Variants in LRGUK observed in about 807,000 individuals in gnomAD.
LRGUK encodes leucine rich repeats and guanylate kinase domain containing.
A neutral mutation model predicts 76.0 loss-of-function variants in LRGUK; 65 were observed. The ratio of observed to expected loss-of-function variants is 0.85; its 90% CI spans 0.70 to 1.05. LRGUK has a LOEUF of 1.05. LRGUK is among the 50% of genes least tolerant of loss of function. The pLI, the probability that LRGUK is intolerant of heterozygous loss-of-function variation, is 0.00. For missense variants in LRGUK, 758 were observed against 732.8 expected (o/e 1.03, Z -0.40); for synonymous variants, 268 against 265.6 (o/e 1.01, Z -0.09).
chr7:134,256,836 T>TA (rs1802597175), intron 18 of LRGUK, among the ~76,000 whole-genome samples: 1 of 152,222 alleles, frequency 6.6e-6, no homozygotes, highest in African/African-American at 2.4e-5. Context: ...TGTGATTAGA[T>TA]ACACCTCCCA....
At chr7:134,242,787 C>T (rs963340237) in intron 16 of LRGUK, among the ~76,000 whole-genome samples, 8 of 152,076 alleles carry the variant, frequency 5.3e-5, no homozygotes, top group Non-Finnish European at 8.8e-5. Context: ...TGATGATCAT[C>T]GATGCAAAAA....
chr7:134,194,391 G>A (rs1335209245), intron 12 of LRGUK, among the ~76,000 whole-genome samples: 4 of 152,038 alleles, frequency 2.6e-5, no homozygotes, highest in South Asian at 2.1e-4. Context: ...TGAAAACAGC[G>A]AGTCACAGAG....
chr7:134,245,621 A>T (rs1468001147), intron 16 of LRGUK, among the ~76,000 whole-genome samples: 1 of 152,168 alleles, frequency 6.6e-6, no homozygotes, highest in Non-Finnish European at 1.5e-5. Context: ...ATTCTAGAAG[A>T]TCCAAAAAGT....
intron 16 of LRGUK, among the ~76,000 whole-genome samples, chr7:134,230,406 G>A (rs1801863423): frequency 6.6e-6 from 1 of 152,146 alleles, no homozygotes; most frequent in African/African-American, 2.4e-5. Context: ...AATGAAATTG[G>A]TATACCTTGG....
intron 5 of LRGUK, among the ~76,000 whole-genome samples, chr7:134,152,907 A>G (rs922620385): frequency 6.6e-6 from 1 of 151,964 alleles, no homozygotes; most frequent in East Asian, 1.9e-4. Flanking sequence ...TGAATGGAAT[A>G]TATCTACATG....
chr7:134,247,426 T>C, intron 16 of LRGUK, 130 bp from the exon 17 acceptor site: 1 of 569,594 alleles, frequency 1.8e-6, no homozygotes, highest in Admixed American at 3.4e-5. Flanking sequence ...CAATTGTTTT[T>C]TATGCCTTTT....
intron 10 of LRGUK, among the ~76,000 whole-genome samples, chr7:134,180,290 GTCCATCCATCCATCCATCCATCCA>G (rs3030440): frequency 2.0e-5 from 3 of 149,904 alleles, no homozygotes; most frequent in East Asian, 2.0e-4. Context: ...CAATTCCTCT[GTCCATCCATCCATCCATCCATCCA>G]TCCATCCATC....
chr7:134,160,344 C>G (rs12670589), intron 6 of LRGUK, among the ~76,000 whole-genome samples: 32,913 of 152,010 alleles, frequency 0.22, 4,488 homozygotes, highest in South Asian at 0.36. Context: ...GTGGATTGTT[C>G]CCAATCTCTG....
chr7:134,225,125 G>GAAA lies in LRGUK; in HGVS notation c.1983+3229_1983+3231dup, dbSNP rs769671717. ...GGCTGGGGACAGGGGAACAGAACTG[G>GAAA]AAAAAAAAAAAAAAAAAAAAAAAAC... On this transcript the variant is annotated intron_variant, in intron 16 of 19. Coordinates refer to the LRGUK transcript ENST00000285928. Among the ~76,000 whole-genome samples the GAAA allele has an allele frequency of 1.6e-3, 98 of 60,868 alleles. 1 individual carries two copies. The East Asian group carries it at 0.028, about 18-fold the overall frequency. 39.9% of individuals were successfully genotyped at this position (60,868 alleles called of 152,430 possible). A position where few individuals can be genotyped will look rare whatever the true frequency, so the allele number is the denominator to read the frequency against.
At chr7:134,143,390 TCAAAC>T (rs1797847653) in intron 4 of LRGUK, among the ~76,000 whole-genome samples, 1 of 152,202 alleles carries the variant, frequency 6.6e-6, no homozygotes, top group Admixed American at 6.5e-5. Flanking sequence ...AACCTAGTGT[TCAAAC>T]CAACGAACTT....
downstream of LRGUK, among the ~76,000 whole-genome samples, chr7:134,264,825 G>T (rs1318001478): frequency 6.6e-6 from 1 of 152,196 alleles, no homozygotes; most frequent in African/African-American, 2.4e-5. Context: ...TGAGTACTCT[G>T]TGCATGATGA....
intron 14 of LRGUK, among the ~76,000 whole-genome samples, chr7:134,200,543 C>CA (rs1404691109): frequency 1.3e-5 from 2 of 151,640 alleles, no homozygotes; most frequent in Non-Finnish European, 2.9e-5. Flanking sequence ...GCAGAATCCT[C>CA]AAAAAAACTA....
intron 7 of LRGUK, among the ~76,000 whole-genome samples, chr7:134,166,089 C>T (rs1479782759): frequency 6.6e-6 from 1 of 150,948 alleles, no homozygotes; most frequent in Non-Finnish European, 1.5e-5. Flanking sequence ...GAAAGTTCCT[C>T]AGAGAACTCT....
the LRGUK span, among the ~76,000 whole-genome samples, chr7:134,272,189 C>T: frequency 6.6e-6 from 1 of 152,060 alleles, no homozygotes; most frequent in Non-Finnish European, 1.5e-5. Context: ...CATTTTCTTC[C>T]TAGTTTAATA....
intron 10 of LRGUK, 148 bp downstream of exon 10, chr7:134,178,757 T>C (rs1375608892): frequency 1.8e-6 from 1 of 542,510 alleles, no homozygotes; most frequent in Non-Finnish European, 3.2e-6. Flanking sequence ...CAAGTCTTTA[T>C]TTGATAGACA....
chr7:134,247,684 T>C (rs1802341682), intron 17 of LRGUK, 40 bp downstream of exon 17: 1 of 1,467,662 alleles, frequency 6.8e-7, no homozygotes, highest in Admixed American at 1.7e-5. Flanking sequence ...ATTGATTTCC[T>C]AGTGTTCAAA....
At chr7:134,234,152 T>C (rs758246798) in intron 16 of LRGUK, among the ~76,000 whole-genome samples, 8 of 152,174 alleles carry the variant, frequency 5.3e-5, no homozygotes, top group South Asian at 2.1e-4. Flanking sequence ...GTTAGGTTCA[T>C]AGGGGCACAG....
At chr7:134,138,264 C>T (rs144835692) in intron 2 of LRGUK, among the ~76,000 whole-genome samples, 8 of 152,304 alleles carry the variant, frequency 5.3e-5, no homozygotes, top group African/African-American at 1.9e-4. Context: ...TCCTTTAAAT[C>T]TTATTTCAGC....
At chr7:134,192,228 T>C (rs1347821462) in intron 12 of LRGUK, among the ~76,000 whole-genome samples, 1 of 152,214 alleles carries the variant, frequency 6.6e-6, no homozygotes, top group Non-Finnish European at 1.5e-5. Context: ...ACCATTTCAG[T>C]ATGGCGTGTC....
Sources: gnomAD v4.1 joint callset for allele counts (sites outside exome capture counted in the v4.1 genomes callset) on GRCh38, gnomAD v4.1.1 for gene constraint, MANE v1.5 for transcripts, NCBI Gene and HGNC (gene_info 2026-07-23, HGNC 2026-07-21) for gene names.